The following ZFP64 variants were observed in gnomAD, a reference collection of about 807,000 sequenced individuals.
ZFP64 encodes zinc finger protein 64.
ZFP64 carries 14 observed loss-of-function variants against 51.6 expected under a neutral mutation model. That is an observed-to-expected ratio of 0.27 (90% CI 0.18 to 0.42). The LOEUF (loss-of-function observed/expected upper bound fraction) is 0.42, where lower values mean the gene tolerates loss of function less well. Among genes scored for constraint, ZFP64 ranks in the 10% least tolerant of loss-of-function variants. The pLI is 1.00. For synonymous variants in ZFP64, 375 were observed against 361.4 expected, an observed-to-expected ratio of 1.04 and a Z score of -0.43; for missense variants, 754 against 906.8, an observed-to-expected ratio of 0.83 and a Z score of 2.16.
intron 5 of ZFP64, among the ~76,000 whole-genome samples, chr20:52,142,377 G>GACACACACACACACACACACAC (rs142317072): frequency 3.4e-5 from 4 of 118,370 alleles, no homozygotes; most frequent in African/African-American, 1.3e-4. Flanking sequence ...CACACACACA[G>GACACACACACACACACACACAC]ACACACACAC....
At chr20:52,104,643 C>T (rs1690899421) in intron 5 of ZFP64, 1 of 469,374 alleles carries the variant, frequency 2.1e-6, no homozygotes, top group Non-Finnish European at 4.4e-6. Context: ...AATGCTCTTC[C>T]CCCGGGTACC....
At chr20:52,086,397 T>G (rs1323190840) in intron 8 of ZFP64, among the ~76,000 whole-genome samples, 1 of 152,196 alleles carries the variant, frequency 6.6e-6, no homozygotes, top group African/African-American at 2.4e-5. Flanking sequence ...ACTTGCTTCT[T>G]GATTAGACTG....
At chr20:52,106,967 G>A (rs1000199441) in intron 5 of ZFP64, among the ~76,000 whole-genome samples, 8 of 152,106 alleles carry the variant, frequency 5.3e-5, no homozygotes, top group African/African-American at 1.7e-4. Flanking sequence ...GCATGGTGGC[G>A]GACGCCTGTA....
intron 5 of ZFP64, among the ~76,000 whole-genome samples, chr20:52,100,025 G>C (rs1478691485): frequency 6.6e-6 from 1 of 152,112 alleles, no homozygotes. Context: ...ACGGAGTCTC[G>C]CTCTGTCACC....
At chr20:52,112,091 A>AC (rs1978619985) in intron 5 of ZFP64, among the ~76,000 whole-genome samples, 1 of 138,316 alleles carries the variant, frequency 7.2e-6, no homozygotes. Flanking sequence ...CCAAAAAAAA[A>AC]AAAAAAAAAC....
At chr20:52,097,379 G>A in exon 7 of ZFP64, 4 of 1,612,984 alleles carry the variant, frequency 2.5e-6, no homozygotes, top group Non-Finnish European at 3.4e-6. Context: ...CTACCCGTGT[G>A]GATTCTGAGA....
Position 52,100,252 on chromosome 20 carries a change from G to GTATTT in ZFP64, c.764-1666_764-1665insAAATA, listed in dbSNP as rs111768973. ...GATCCACCCACCTCGGCCTCCCAAA[G>GTATTT]TTTTTTTTTTTGAAACAGAGTCTCA... On this transcript the variant is annotated intron_variant, in intron 5 of 8. Transcript: ENST00000361387. Among the ~76,000 whole-genome samples the GTATTT allele has an allele frequency of 8.4e-3, 1,257 of 150,060 alleles. 21 individuals are homozygous for GTATTT. The highest frequency in any genetic ancestry group is 0.029 in the African/African-American group (1,197 of 40,812).
At chr20:52,117,180 C>A (rs1229459156) in intron 5 of ZFP64, among the ~76,000 whole-genome samples, 1 of 152,222 alleles carries the variant, frequency 6.6e-6, no homozygotes, top group Non-Finnish European at 1.5e-5. Flanking sequence ...TGTCCAGAAC[C>A]TGTATTTAAC....
Position 52,191,711 on chromosome 20 carries a change from T to A in ZFP64, c.-75A>T. 1 of 1,465,084 alleles carries A rather than the reference T, an allele frequency of 6.8e-7. No homozygotes were observed. Among genetic ancestry groups the A allele is most frequent in the African/African-American group, 1.4e-5 (1 of 69,116 alleles). The allele number at this position is 1,465,084 out of a possible 1,614,324, so 90.8% of individuals were successfully genotyped here. The stretch of plus-strand genomic sequence containing the variant: ...CGCTGATCTACATGGTGCAAGGACT[T>A]TTCCTTTTATTTTTCCACACCCCCC... On this transcript the variant is annotated 5_prime_UTR_variant, in exon 1 of 6. Coordinates refer to ENST00000216923, the MANE Select transcript of ZFP64 (RefSeq NM_018197.3). This position sits in a 1 kb window ranked among gnomAD's most constrained non-coding sequence, Gnocchi z 4.3.
chr20:52,112,532 C>CA (rs1445398565), intron 5 of ZFP64, among the ~76,000 whole-genome samples: 1 of 151,924 alleles, frequency 6.6e-6, no homozygotes, highest in African/African-American at 2.4e-5. Context: ...GAGAAAGATA[C>CA]AAAAACAAAG....
At chr20:52,124,685 C>T (rs1979364024) in intron 5 of ZFP64, among the ~76,000 whole-genome samples, 1 of 152,056 alleles carries the variant, frequency 6.6e-6, no homozygotes, top group African/African-American at 2.4e-5. Context: ...TCACTGCTCA[C>T]TGCAGCCTTG....
At chr20:52,100,795 G>A (rs550788574) in intron 5 of ZFP64, among the ~76,000 whole-genome samples, 238 of 152,190 alleles carry the variant, frequency 1.6e-3, no homozygotes, top group African/African-American at 5.1e-3. Context: ...CAGTTTACTC[G>A]TTTGCAAAAG....
intron 5 of ZFP64, among the ~76,000 whole-genome samples, chr20:52,106,773 A>G (rs990883813): frequency 6.6e-6 from 1 of 152,206 alleles, no homozygotes; most frequent in Admixed American, 6.5e-5. Context: ...ATGTATGTGT[A>G]GTTACACGGA....
chr20:52,189,237 A>G (rs1012289458), intron 1 of ZFP64, among the ~76,000 whole-genome samples: 1 of 151,854 alleles, frequency 6.6e-6, no homozygotes, highest in African/African-American at 2.4e-5. Context: ...CTCTACTAAA[A>G]ATACAAAAAT....
intron 1 of ZFP64, among the ~76,000 whole-genome samples, chr20:52,190,356 C>A (rs1984279795): frequency 6.6e-6 from 1 of 152,180 alleles, no homozygotes. Flanking sequence ...AAAGTAACGA[C>A]ATAGACCTTC....
chr20:52,135,547 A>G (rs1415268400), intron 5 of ZFP64, among the ~76,000 whole-genome samples: 1 of 151,932 alleles, frequency 6.6e-6, no homozygotes, highest in Non-Finnish European at 1.5e-5. Context: ...TGGTGTGATC[A>G]TGGCTTACGG....
intron 7 of ZFP64, among the ~76,000 whole-genome samples, chr20:52,091,684 C>T (rs1200654043): frequency 6.6e-6 from 1 of 151,824 alleles, no homozygotes; most frequent in Non-Finnish European, 1.5e-5. Context: ...GATAAGTTTC[C>T]TATTTCAAAA....
chr20:52,117,604 G>C (rs532773114), intron 5 of ZFP64: 10 of 455,760 alleles, frequency 2.2e-5, no homozygotes, highest in African/African-American at 2.0e-4. Context: ...GGGCGACAGA[G>C]CGAAACTCTG....
chr20:52,151,959 C>T lies in ZFP64; in HGVS notation c.*187G>A. ...GGCTGAGGCATGAGAATCGCTTGAA[C>T]CTGGGAGGCGGACGTTGCAGTGAGC... On this transcript the variant is annotated 3_prime_UTR_variant, in exon 6 of 6. Transcript: ENST00000216923. 1.5e-6 allele frequency: 2 copies of T among 1,296,666 alleles called. No homozygotes were observed. Among genetic ancestry groups the T allele is most frequent in the Non-Finnish European group, 2.0e-6 (2 of 982,394 alleles). The allele number at this position is 1,296,666 out of a possible 1,614,324, so 80.3% of individuals were successfully genotyped here.
Sources: gnomAD v4.1 joint callset for allele counts (sites outside exome capture counted in the v4.1 genomes callset) on GRCh38, gnomAD v4.1.1 for gene constraint, Gnocchi (gnomAD v3.1) non-coding constraint, MANE v1.5 for transcripts, NCBI Gene and HGNC (gene_info 2026-07-23, HGNC 2026-07-21) for gene names.